CHST9: variants seen among roughly 807,000 people sequenced by gnomAD.
The protein encoded by CHST9 is carbohydrate sulfotransferase 9, also known as GalNAc-4-sulfotransferase 2.
In CHST9, 41 loss-of-function variants were observed where a neutral mutation model predicts 44.4. The observed-to-expected ratio is 0.92, with a 90% CI of 0.72 to 1.20. The LOEUF (loss-of-function observed/expected upper bound fraction) is 1.20, where lower values mean the gene tolerates loss of function less well. Ranked by LOEUF, CHST9 falls within the 50% of genes most tolerant of loss-of-function variation. CHST9 has a pLI of 0.00. For missense variants in CHST9, 504 were observed against 516.5 expected (o/e 0.98, Z 0.23); for synonymous variants, 171 against 178.4 (o/e 0.96, Z 0.33).
intron 2 of CHST9, among the ~76,000 whole-genome samples, chr18:27,063,920 A>G (rs2057753502): frequency 6.6e-6 from 1 of 152,104 alleles, no homozygotes; most frequent in South Asian, 2.1e-4. Flanking sequence ...ATTTTGTAGT[A>G]TTGTGTTCCA....
chr18:27,086,384 G>A (rs1009862940), intron 2 of CHST9, among the ~76,000 whole-genome samples: 1 of 152,194 alleles, frequency 6.6e-6, no homozygotes, highest in African/African-American at 2.4e-5. Context: ...AAAGTTTGGG[G>A]ATATTTGTTT....
chr18:27,127,440 T>G (rs1265099056), intron 2 of CHST9, among the ~76,000 whole-genome samples: 4 of 152,074 alleles, frequency 2.6e-5, no homozygotes, highest in Non-Finnish European at 5.9e-5. Context: ...AAGGACTTAT[T>G]GGATTTAATG....
rs563320022 is a variant in CHST9, at chr18:26,943,487, T to C, written c.240+842A>G. On this transcript the variant is annotated intron_variant, in intron 5 of 5. Coordinates refer to ENST00000618847, the MANE Select transcript of CHST9 (RefSeq NM_031422.6). ...TATAAGTGTAGATTTACCACCCTTC[T>C]CTTTGGTAAGGGTAAGCTGTAATTT... Among the ~76,000 whole-genome samples, 251 of 152,178 alleles carry C rather than the reference T, an allele frequency of 1.6e-3. 2 individuals are homozygous for C. Among genetic ancestry groups the C allele is most frequent in the Non-Finnish European group, 2.9e-3 (200 of 67,992 alleles).
intron 4 of CHST9, among the ~76,000 whole-genome samples, chr18:26,948,242 T>A (rs1208301187): frequency 1.3e-5 from 2 of 152,104 alleles, no homozygotes; most frequent in African/African-American, 4.8e-5. Context: ...CACTGAGGCC[T>A]TTCAGGGAGT....
chr18:27,023,195 A>AT (rs920548589), intron 4 of CHST9, among the ~76,000 whole-genome samples: 44 of 152,224 alleles, frequency 2.9e-4, no homozygotes, highest in African/African-American at 9.9e-4. Context: ...ATAATATATC[A>AT]TTTTTTTCTT....
intron 4 of CHST9, among the ~76,000 whole-genome samples, chr18:26,956,780 T>G (rs2056332044): frequency 6.6e-6 from 1 of 152,216 alleles, no homozygotes; most frequent in Non-Finnish European, 1.5e-5. Flanking sequence ...GCTTAGCATC[T>G]TTTAATTATT....
intron 2 of CHST9, among the ~76,000 whole-genome samples, chr18:27,089,810 C>CTTT (rs56057285): frequency 0.063 from 7,896 of 124,648 alleles, 672 homozygotes; most frequent in African/African-American, 0.15. Context: ...TGTTTCCTGA[C>CTTT]TTTTTTTTTT....
intron 4 of CHST9, among the ~76,000 whole-genome samples, chr18:26,974,420 G>T (rs1246098320): frequency 2.0e-5 from 3 of 152,224 alleles, no homozygotes; most frequent in African/African-American, 7.2e-5. Context: ...TGTGGGAAAG[G>T]AAGAGGGAAG....
At chr18:26,940,316 G>C (rs549478531) in intron 5 of CHST9, among the ~76,000 whole-genome samples, 2 of 152,258 alleles carry the variant, frequency 1.3e-5, no homozygotes, top group East Asian at 3.9e-4. Context: ...GGGTTGTGCT[G>C]TGTCTTAACC....
intron 2 of CHST9, among the ~76,000 whole-genome samples, chr18:27,083,889 T>C (rs1033426246): frequency 5.9e-5 from 9 of 152,140 alleles, no homozygotes; most frequent in Non-Finnish European, 1.2e-4. Context: ...CTATATCTAT[T>C]GAGATAATCA....
chr18:26,964,555 G>A (rs768575847), intron 4 of CHST9, among the ~76,000 whole-genome samples: 1 of 152,256 alleles, frequency 6.6e-6, no homozygotes, highest in African/African-American at 2.4e-5. Context: ...TCAGGCAGCA[G>A]ACTGTGGGCC....
chr18:27,053,236 A>AGAAGAAGAAGAAGAAGAG (rs2057601087), intron 2 of CHST9, among the ~76,000 whole-genome samples: 6 of 80,734 alleles, frequency 7.4e-5, no homozygotes, highest in East Asian at 7.5e-4. Context: ...AAGAAGAAGA[A>AGAAGAAGAAGAAGAAGAG]GAAGAAGAAG....
rs1459528767 is a variant in CHST9, at chr18:27,148,433, G to A, written c.-96-5528C>T. Among the ~76,000 whole-genome samples, 13 of 94,250 alleles carry A rather than the reference G, an allele frequency of 1.4e-4. No homozygotes were observed. The Admixed American group carries it at 2.2e-3, about 16-fold the overall frequency. The allele number at this position is 94,250 out of a possible 152,430, so 61.8% of individuals were successfully genotyped here. On this transcript the variant is annotated intron_variant, in intron 1 of 5. Coordinates refer to ENST00000618847, the MANE Select transcript of CHST9 (RefSeq NM_031422.6). ...TCCCCCCACCCCACAACAGTCCCCC[G>A]TGTGTGATGTTCCCCTTCCTGTGTC... is the stretch of plus-strand genomic sequence containing the variant.
intron 4 of CHST9, among the ~76,000 whole-genome samples, chr18:27,019,702 AAAAAAAAAAG>A (rs2057199363): frequency 6.6e-6 from 1 of 151,686 alleles, no homozygotes; most frequent in African/African-American, 2.4e-5. Flanking sequence ...AAAAAAAAAA[AAAAAAAAAAG>A]AGAGAAAAAC....
At chr18:26,939,257 T>G (rs2056046024) in intron 5 of CHST9, among the ~76,000 whole-genome samples, 1 of 152,204 alleles carries the variant, frequency 6.6e-6, no homozygotes, top group Non-Finnish European at 1.5e-5. Context: ...AAGGTAGTAT[T>G]TGAGTTAGGT....
chr18:27,055,964 A>G (rs569241971), intron 2 of CHST9, among the ~76,000 whole-genome samples: 20 of 121,676 alleles, frequency 1.6e-4, no homozygotes, highest in African/African-American at 3.7e-4. Flanking sequence ...GTGTGTGTGT[A>G]TACACAAGAT....
At chr18:26,990,433 G>T (rs2056802967) in intron 4 of CHST9, among the ~76,000 whole-genome samples, 1 of 151,726 alleles carries the variant, frequency 6.6e-6, no homozygotes, top group African/African-American at 2.4e-5. Context: ...AAATGTATTG[G>T]GTTGTTAGGA....
At chr18:27,093,393 G>A (rs1231053364) in intron 2 of CHST9, among the ~76,000 whole-genome samples, 2 of 152,210 alleles carry the variant, frequency 1.3e-5, no homozygotes. Context: ...AGCTGTGGTG[G>A]GCTCCACCCA....
chr18:27,041,759 T>C (rs899266082), intron 3 of CHST9, among the ~76,000 whole-genome samples: 2 of 152,152 alleles, frequency 1.3e-5, no homozygotes, highest in African/African-American at 4.8e-5. Flanking sequence ...AAAAATAATG[T>C]GGCACAGCTG....
Sources: allele counts gnomAD v4.1 joint callset (sites outside exome capture counted in the v4.1 genomes callset), GRCh38; gene constraint gnomAD v4.1.1; transcripts MANE v1.5; gene names NCBI Gene and HGNC (gene_info 2026-07-23, HGNC 2026-07-21).